The following GPD1L variants were observed in gnomAD, a reference collection of about 807,000 sequenced individuals.
The protein encoded by GPD1L is glycerol-3-phosphate dehydrogenase 1 like, also known as glycerol-3-phosphate dehydrogenase 1-like protein.
Under a neutral mutation model 32.9 loss-of-function variants are expected in GPD1L, and 17 were observed. The observed-to-expected ratio is 0.52, with a 90% CI of 0.35 to 0.78. The LOEUF is 0.78. GPD1L is among the 30% of genes least tolerant of loss of function. GPD1L has a pLI of 0.01. For missense variants in GPD1L, 361 were observed against 447.8 expected, an observed-to-expected ratio of 0.81 and a Z score of 1.75; for synonymous variants, 187 against 165.9, an observed-to-expected ratio of 1.13 and a Z score of -0.98.
At chr3:32,108,401 G>A (rs1700194955) in intron 1 of GPD1L, among the ~76,000 whole-genome samples, 1 of 152,154 alleles carries the variant, frequency 6.6e-6, no homozygotes, top group Non-Finnish European at 1.5e-5. Flanking sequence ...CGGCTACTTG[G>A]GATGCTAAGG....
intron 1 of GPD1L, among the ~76,000 whole-genome samples, chr3:32,114,046 G>T (rs1276939937): frequency 1.3e-5 from 2 of 152,064 alleles, no homozygotes; most frequent in African/African-American, 4.8e-5. Flanking sequence ...ATAGAGGTGG[G>T]GTCTCACTAT....
In GPD1L at chr3:32,167,566, T is replaced by C. The variant is rs1701165971; in HGVS notation, c.*1656T>C. 6.5e-6 allele frequency: 1 copy of C among 152,688 alleles called. No homozygotes were observed. Among genetic ancestry groups the C allele is most frequent in the African/African-American group, 2.4e-5 (1 of 41,472 alleles). 9.5% of individuals were successfully genotyped at this position (152,688 alleles called of 1,614,324 possible). Reference sequence around the variant, plus strand: ...AACGCACATTACCTGGAATAAGTGCTTTAATTGTAGAATTAGAATGGGATT... The same window carrying C: ...AACGCACATTACCTGGAATAAGTGCCTTAATTGTAGAATTAGAATGGGATT... On this transcript the variant is annotated 3_prime_UTR_variant, in exon 8 of 8. Transcript: ENST00000282541.
At chr3:32,159,353 G>A (rs1412054210) in intron 6 of GPD1L, among the ~76,000 whole-genome samples, 1 of 151,978 alleles carries the variant, frequency 6.6e-6, no homozygotes. Flanking sequence ...ATGCTAGGCC[G>A]GGCGTGGTGG....
At chr3:32,161,951 C>T (rs529504892) in intron 7 of GPD1L, among the ~76,000 whole-genome samples, 3 of 152,284 alleles carry the variant, frequency 2.0e-5, no homozygotes, top group Admixed American at 6.5e-5. Flanking sequence ...TGCACCACCT[C>T]TTACTTTGAT....
At chr3:32,147,080 T>A (rs1700841275) in intron 5 of GPD1L, among the ~76,000 whole-genome samples, 1 of 152,230 alleles carries the variant, frequency 6.6e-6, no homozygotes, top group South Asian at 2.1e-4. Flanking sequence ...CCACACTTCA[T>A]CCTGAGCAGG....
intron 1 of GPD1L, among the ~76,000 whole-genome samples, chr3:32,116,486 G>A (rs11129491): frequency 0.41 from 62,311 of 151,534 alleles, 14,487 homozygotes; most frequent in East Asian, 0.64. Context: ...TTTCATCTCA[G>A]GCACTGACTC....
intron 2 of GPD1L, among the ~76,000 whole-genome samples, chr3:32,132,057 T>G (rs1361530309): frequency 6.6e-6 from 1 of 152,248 alleles, no homozygotes; most frequent in East Asian, 1.9e-4. Flanking sequence ...AAAAATGGAT[T>G]GTCTTTTTAT....
In GPD1L at chr3:32,106,913, G is replaced by C. The variant is rs1376004123; in HGVS notation, c.47+155G>C. On this transcript the variant is annotated intron_variant, in intron 1 of 7. Coordinates refer to ENST00000282541, the MANE Select transcript of GPD1L (RefSeq NM_015141.4). The surrounding 1 kb of genome is among the most constrained non-coding windows in gnomAD (Gnocchi z 4.0). The stretch of plus-strand genomic sequence containing the variant: ...CTCGTTGCTGGGCTGGGCACCGTGC[G>C]CCCGAGGAGGCCGCACCGGGGCACT... 4 of 561,426 alleles carry C rather than the reference G, an allele frequency of 7.1e-6. No individual in the cohort carries two copies. Among genetic ancestry groups the C allele is most frequent in the Non-Finnish European group, 1.1e-5 (4 of 374,964 alleles). The allele number at this position is 561,426 out of a possible 1,614,324, so 34.8% of individuals were successfully genotyped here.
chr3:32,135,155 G>A (rs529679006), intron 2 of GPD1L, among the ~76,000 whole-genome samples: 5 of 152,324 alleles, frequency 3.3e-5, no homozygotes, highest in African/African-American at 1.2e-4. Context: ...GGGGGAAAGG[G>A]AGGAATGTGT....
chr3:32,126,023 T>C (rs899206152), intron 1 of GPD1L, among the ~76,000 whole-genome samples: 5 of 152,084 alleles, frequency 3.3e-5, no homozygotes, highest in Admixed American at 6.6e-5. Flanking sequence ...ATGGTACCAA[T>C]GTTTGTTTAA....
chr3:32,146,930 C>T (rs938980532), intron 5 of GPD1L, among the ~76,000 whole-genome samples, 196 bp downstream of exon 5: 12 of 152,198 alleles, frequency 7.9e-5, no homozygotes, highest in African/African-American at 1.9e-4. Flanking sequence ...TCGTGGCTTG[C>T]TTTAACTTGT....
chr3:32,150,354 G>T (rs1700897105), intron 5 of GPD1L, among the ~76,000 whole-genome samples: 1 of 152,112 alleles, frequency 6.6e-6, no homozygotes, highest in African/African-American at 2.4e-5. Context: ...CCCTCTGAGA[G>T]AGGTCTTGTG....
chr3:32,166,413 G>T lies in GPD1L; in HGVS notation c.*503G>T. 1 of 172,118 alleles carries T rather than the reference G, an allele frequency of 5.8e-6. No individual in the cohort carries two copies. Among genetic ancestry groups the T allele is most frequent in the Admixed American group, 5.7e-5 (1 of 17,496 alleles). 10.7% of individuals were successfully genotyped at this position (172,118 alleles called of 1,614,324 possible). A position where few individuals can be genotyped will look rare whatever the true frequency, so the allele number is the denominator to read the frequency against. On this transcript the variant is annotated 3_prime_UTR_variant, in exon 8 of 8. Coordinates refer to ENST00000282541, the MANE Select transcript of GPD1L (RefSeq NM_015141.4). Reference sequence around the variant, plus strand: ...CAAAGCCAGCATAATTAACTACTTTGATTGTGGGCTGACCTTTGTTTTTTT... The same window carrying T: ...CAAAGCCAGCATAATTAACTACTTTTATTGTGGGCTGACCTTTGTTTTTTT...
At chr3:32,122,731 C>G (rs1700439856) in intron 1 of GPD1L, among the ~76,000 whole-genome samples, 1 of 152,142 alleles carries the variant, frequency 6.6e-6, no homozygotes, top group Non-Finnish European at 1.5e-5. Context: ...GAGGCCATAC[C>G]TGGTCGTAGG....
intron 4 of GPD1L, among the ~76,000 whole-genome samples, chr3:32,144,987 A>G (rs1408309075): frequency 6.6e-6 from 1 of 150,620 alleles, no homozygotes; most frequent in Non-Finnish European, 1.5e-5. Context: ...TACAGGCATG[A>G]GCCACCGCGC....
intron 3 of GPD1L, 136 bp downstream of exon 3, chr3:32,138,863 C>G: frequency 1.1e-6 from 1 of 872,234 alleles, no homozygotes; most frequent in Non-Finnish European, 1.9e-6. Flanking sequence ...TAAAGATGCT[C>G]AAAAGTCATA....
rs1367931566 is a variant in GPD1L at position 32,167,553 on chromosome 3, C to T, written c.*1643C>T. 1 of 152,634 alleles carries T rather than the reference C, an allele frequency of 6.6e-6. No individual in the cohort carries two copies. The highest frequency in any genetic ancestry group is 1.5e-5 in the Non-Finnish European group (1 of 68,042). The allele number at this position is 152,634 out of a possible 1,614,324, so 9.5% of individuals were successfully genotyped here. On this transcript the variant is annotated 3_prime_UTR_variant, in exon 8 of 8. Coordinates refer to ENST00000282541, the MANE Select transcript of GPD1L (RefSeq NM_015141.4). ...TCAGCTTTGCTGAAACGCACATTAC[C>T]TGGAATAAGTGCTTTAATTGTAGAA...
intron 2 of GPD1L, among the ~76,000 whole-genome samples, chr3:32,136,887 G>C (rs937035773): frequency 6.6e-6 from 1 of 152,144 alleles, no homozygotes; most frequent in African/African-American, 2.4e-5. Context: ...GCAACCCACT[G>C]TCTTGAGGGC....
intron 1 of GPD1L, among the ~76,000 whole-genome samples, chr3:32,116,646 TTAC>T (rs1180291655): frequency 1.3e-5 from 2 of 152,118 alleles, no homozygotes; most frequent in African/African-American, 4.8e-5. Flanking sequence ...TTGGACTGAT[TTAC>T]TACTACCAAT....
Sources: allele counts gnomAD v4.1 joint callset (sites outside exome capture counted in the v4.1 genomes callset), GRCh38; gene constraint gnomAD v4.1.1; non-coding constraint Gnocchi (gnomAD v3.1); transcripts MANE v1.5; gene names NCBI Gene and HGNC (gene_info 2026-07-23, HGNC 2026-07-21).